The following SEC14L3 variants were observed in gnomAD, a reference collection of about 807,000 sequenced individuals.
SEC14L3 encodes the protein SEC14 like lipid binding 3, also known as SEC14-like protein 3.
SEC14L3 carries 56 observed loss-of-function variants against 57.4 expected under a neutral mutation model. The ratio of observed to expected loss-of-function variants is 0.97; its 90% CI spans 0.79 to 1.22. The LOEUF is 1.22. Among genes scored for constraint, SEC14L3 ranks in the 50% most tolerant of loss-of-function variants. The pLI is 0.00. For missense variants in SEC14L3, 485 were observed against 511.7 expected (o/e 0.95, Z 0.50); for synonymous variants, 173 against 194.4 (o/e 0.89, Z 0.92).
At chr22:30,468,135 C>G (rs1003505950) in intron 5 of SEC14L3, among the ~76,000 whole-genome samples, 1 of 151,962 alleles carries the variant, frequency 6.6e-6, no homozygotes, top group Non-Finnish European at 1.5e-5. Context: ...AAAAATTAGC[C>G]CTGCGTGGTG....
chr22:30,448,486 C>T (rs989658031), exon 13 of SEC14L3: 1 of 151,820 alleles, frequency 6.6e-6, no homozygotes, highest in Non-Finnish European at 1.5e-5. Flanking sequence ...TCACTCCTAT[C>T]CTGCTCTCTT....
At chr22:30,464,309 G>A (rs1230488875) in intron 8 of SEC14L3, among the ~76,000 whole-genome samples, 1 of 152,192 alleles carries the variant, frequency 6.6e-6, no homozygotes, top group Non-Finnish European at 1.5e-5. Flanking sequence ...AACCAGTGAG[G>A]TGGTAGGTGT....
downstream of SEC14L3, among the ~76,000 whole-genome samples, chr22:30,455,062 T>A (rs1176420081): frequency 2.8e-5 from 1 of 35,218 alleles, no homozygotes; most frequent in Non-Finnish European, 4.0e-5. Context: ...CAATATATTA[T>A]ATATAATATA....
In SEC14L3 at chr22:30,462,133, CA is replaced by C; in HGVS notation, c.723del (p.Phe241LeufsTer5). ...CCATCTGGGTCAGTCAGGGTGCCCC[CA>C]AACTGGGCAGGCAGTTCCTCAGGAC... is the stretch of plus-strand genomic sequence containing the variant. ...LISPEELPAQ[F>X]GGTLTDPDGN... On this transcript the variant is annotated frameshift_variant, in exon 9 of 12. Coordinates refer to ENST00000215812, the MANE Select transcript of SEC14L3 (RefSeq NM_174975.5). LOFTEE classifies it high-confidence loss of function. 1 of 1,614,156 alleles carries C rather than the reference CA, an allele frequency of 6.2e-7. No individual in the cohort carries two copies. The highest frequency in any genetic ancestry group is 2.2e-5 in the East Asian group (1 of 44,880).
intron 4 of SEC14L3, among the ~76,000 whole-genome samples, 196 bp downstream of exon 4, chr22:30,469,823 C>T (rs1278680323): frequency 6.6e-6 from 1 of 152,208 alleles, no homozygotes; most frequent in Non-Finnish European, 1.5e-5. Flanking sequence ...ATTAAAGAAG[C>T]TCATGCTGCT....
At chr22:30,453,516 G>A (rs1223251646) in intron 12 of SEC14L3, among the ~76,000 whole-genome samples, 2 of 152,154 alleles carry the variant, frequency 1.3e-5, no homozygotes, top group Non-Finnish European at 2.9e-5. Context: ...GAGTCCAAGT[G>A]ATTGTCCTGC....
chr22:30,449,568 C>A (rs28369234), intron 12 of SEC14L3, among the ~76,000 whole-genome samples: 3 of 37,838 alleles, frequency 7.9e-5, no homozygotes, highest in Non-Finnish European at 9.4e-5. Flanking sequence ...CTTTTCTTTT[C>A]TTTTTTTTTT....
At chr22:30,471,586 TG>T (rs909312863) in intron 1 of SEC14L3, among the ~76,000 whole-genome samples, 2 of 152,170 alleles carry the variant, frequency 1.3e-5, no homozygotes, top group African/African-American at 4.8e-5. Flanking sequence ...CTATGGTGCC[TG>T]GGAGGGAGGA....
exon 13 of SEC14L3, chr22:30,448,789 G>A (rs1934926755): frequency 6.7e-6 from 2 of 300,644 alleles, no homozygotes; most frequent in South Asian, 1.7e-4. Context: ...CCACTCAGGA[G>A]GCTGAGAGGG....
intron 12 of SEC14L3, among the ~76,000 whole-genome samples, chr22:30,453,297 G>A (rs550602722): frequency 1.3e-5 from 2 of 152,204 alleles, no homozygotes; most frequent in South Asian, 2.1e-4. Flanking sequence ...TTTTGCATTT[G>A]TGATGGCACA....
chr22:30,465,000 T>G, intron 7 of SEC14L3, 97 bp from the exon 8 acceptor site: 2 of 1,557,340 alleles, frequency 1.3e-6, no homozygotes, highest in Non-Finnish European at 1.7e-6. Flanking sequence ...GAGTCATGAC[T>G]AACCCTGGTC....
At chr22:30,460,252 A>G in intron 11 of SEC14L3, 110 bp from the exon 12 acceptor site, 1 of 1,515,386 alleles carries the variant, frequency 6.6e-7, no homozygotes. Flanking sequence ...TTGTTTGCCA[A>G]GCTGGGCCAA....
intron 12 of SEC14L3, among the ~76,000 whole-genome samples, chr22:30,450,818 C>T (rs1006516117): frequency 2.6e-5 from 4 of 152,178 alleles, no homozygotes; most frequent in African/African-American, 4.8e-5. Context: ...TTCATCCACA[C>T]GGTGGGGAAT....
At chr22:30,468,865 G>A (rs931307509) in intron 4 of SEC14L3, 169 bp from the exon 5 acceptor site, 1 of 1,548,318 alleles carries the variant, frequency 6.5e-7, no homozygotes, top group Non-Finnish European at 8.7e-7. Context: ...TCCTGCAGGG[G>A]AGGGCCTTGC....
intron 12 of SEC14L3, among the ~76,000 whole-genome samples, chr22:30,452,146 C>T (rs1459225177): frequency 1.3e-5 from 2 of 151,646 alleles, no homozygotes; most frequent in African/African-American, 2.4e-5. Context: ...ATTTCCACCG[C>T]GTGTTTCATA....
At chr22:30,470,459 C>A (rs1253472532) in intron 2 of SEC14L3, 48 bp downstream of exon 2, 1 of 1,612,454 alleles carries the variant, frequency 6.2e-7, no homozygotes. Context: ...TGAGACCAGG[C>A]CCCTCTTGAT....
intron 5 of SEC14L3, among the ~76,000 whole-genome samples, chr22:30,467,961 C>CA (rs1465885529): frequency 1.3e-5 from 2 of 152,094 alleles, no homozygotes; most frequent in African/African-American, 4.8e-5. Context: ...CAAAACAAAA[C>CA]AAAGCAAAAA....
intron 7 of SEC14L3, among the ~76,000 whole-genome samples, chr22:30,465,273 C>A (rs1411976631): frequency 6.6e-6 from 1 of 152,200 alleles, no homozygotes; most frequent in East Asian, 1.9e-4. Flanking sequence ...TAACTTCTAA[C>A]CAGCCAACCT....
chr22:30,463,691 G>A (rs1057070324), intron 8 of SEC14L3, among the ~76,000 whole-genome samples: 2 of 152,172 alleles, frequency 1.3e-5, no homozygotes, highest in African/African-American at 4.8e-5. Flanking sequence ...TCTGTGATCT[G>A]ACTATCCTGC....
Sources: gnomAD v4.1 joint callset for allele counts (sites outside exome capture counted in the v4.1 genomes callset) on GRCh38, gnomAD v4.1.1 for gene constraint, MANE v1.5 for transcripts, NCBI Gene and HGNC (gene_info 2026-07-23, HGNC 2026-07-21) for gene names.